FGF13: variants seen among roughly 807,000 people sequenced by gnomAD.
FGF13 encodes the protein fibroblast growth factor 13.
FGF13 carries 2 observed loss-of-function variants against 19.5 expected under a neutral mutation model. That is an observed-to-expected ratio of 0.10 (90% CI 0.04 to 0.32). FGF13 has a LOEUF of 0.32. Among genes scored for constraint, FGF13 ranks in the 10% least tolerant of loss-of-function variants. The pLI is 1.00. For missense variants in FGF13, 113 were observed against 192.7 expected, an observed-to-expected ratio of 0.59 and a Z score of 2.45; for synonymous variants, 72 against 76.9, an observed-to-expected ratio of 0.94 and a Z score of 0.33.
rs771545334 is a variant in FGF13 at position 138,619,634 on chromosome X, A to G, written c.*13216T>C. 9.0e-6 allele frequency: 1 copy of G among 111,581 alleles called. No individual in the cohort carries two copies. Among genetic ancestry groups the G allele is most frequent in the South Asian group, 3.8e-4 (1 of 2,663 alleles). 9.2% of individuals were successfully genotyped at this position (111,581 alleles called of 1,213,427 possible). A position where few individuals can be genotyped will look rare whatever the true frequency, so the allele number is the denominator to read the frequency against. On this transcript the variant is annotated 3_prime_UTR_variant, in exon 5 of 5. Coordinates refer to ENST00000315930, the MANE Select transcript of FGF13 (RefSeq NM_004114.5). ...TAAGCAAATATACAAGAAAAAAAAA[A>G]CCGCATCAAAAAGTGGGCAAAGGAC...
intron 1 of FGF13, among the ~76,000 whole-genome samples, chrX:139,081,163 C>G (rs2083368069): frequency 9.0e-6 from 1 of 110,898 alleles, no homozygotes; most frequent in African/African-American, 3.3e-5. Flanking sequence ...CCCCACTACA[C>G]TACTAAAAAT....
At chrX:138,812,787 G>A (rs1304468121) in intron 3 of FGF13, among the ~76,000 whole-genome samples, 3 of 111,203 alleles carry the variant, frequency 2.7e-5, no homozygotes, top group Non-Finnish European at 5.7e-5. Context: ...TTGTTACATA[G>A]GTATACGTGT....
intron 3 of FGF13, among the ~76,000 whole-genome samples, chrX:138,787,187 T>A (rs181365155): frequency 1.8e-5 from 2 of 112,673 alleles, no homozygotes; most frequent in Non-Finnish European, 3.7e-5. Flanking sequence ...TGAGGAACGA[T>A]TAATTGATAT....
At chrX:138,794,744 G>T (rs2124376753) in intron 3 of FGF13, among the ~76,000 whole-genome samples, 1 of 111,746 alleles carries the variant, frequency 8.9e-6, no homozygotes, top group East Asian at 2.8e-4. Context: ...GAGAGGTCAG[G>T]ATGCAGTGAG....
chrX:138,732,316 G>A (rs2090238254), intron 1 of FGF13, among the ~76,000 whole-genome samples: 1 of 112,130 alleles, frequency 8.9e-6, no homozygotes, highest in African/African-American at 3.2e-5. Flanking sequence ...ACTCATTTAA[G>A]CTAAAAGCTA....
At chrX:139,120,441 A>G (rs1181691002) in intron 1 of FGF13, among the ~76,000 whole-genome samples, 1 of 111,596 alleles carries the variant, frequency 9.0e-6, no homozygotes, top group African/African-American at 3.3e-5. Context: ...AGCTGAGGAA[A>G]CTGAGGCTCA....
chrX:138,959,438 T>C (rs758242806), intron 1 of FGF13, among the ~76,000 whole-genome samples: 32 of 111,914 alleles, frequency 2.9e-4, no homozygotes, highest in Non-Finnish European at 5.1e-4. Flanking sequence ...GCTTTACTTC[T>C]AACTATGTGG....
chrX:138,787,713 C>T (rs1046102138), intron 3 of FGF13, among the ~76,000 whole-genome samples: 3 of 109,705 alleles, frequency 2.7e-5, no homozygotes, highest in African/African-American at 1.0e-4. Context: ...TCCCTTTGCC[C>T]CCCACCCCCC....
intron 3 of FGF13, among the ~76,000 whole-genome samples, chrX:138,753,924 T>C (rs1335033080): frequency 8.9e-6 from 1 of 112,167 alleles, no homozygotes; most frequent in Non-Finnish European, 1.9e-5. Context: ...TAACAGGTTG[T>C]TCTTCATTAT....
In FGF13 at chrX:138,817,560, T is replaced by C. The variant is rs188616726; in HGVS notation, c.217+39952A>G. ...ATGTATGCTCTCCTTTTTAAGAAAA[T>C]GTCAGTGGTGTGTCATGAATGCTAT... On this transcript the variant is annotated intron_variant, in intron 3 of 6. Coordinates refer to the FGF13 transcript ENST00000436198. Among the ~76,000 whole-genome samples, 253 of 111,767 alleles carry C rather than the reference T, an allele frequency of 2.3e-3. 1 individual carries two copies. Among genetic ancestry groups the C allele is most frequent in the African/African-American group, 7.5e-3 (232 of 30,780 alleles).
intron 3 of FGF13, among the ~76,000 whole-genome samples, chrX:138,757,448 A>T (rs1265533484): frequency 9.0e-6 from 1 of 111,402 alleles, no homozygotes; most frequent in African/African-American, 3.3e-5. Flanking sequence ...AGAAACTCTA[A>T]AAACAACTAT....
downstream of FGF13, among the ~76,000 whole-genome samples, chrX:138,854,714 T>G (rs2091246643): frequency 8.9e-6 from 1 of 112,385 alleles, no homozygotes; most frequent in Admixed American, 9.5e-5. Flanking sequence ...TTAAAAATTT[T>G]TTTTTAATTT....
At chrX:139,142,546 A>G (rs2083853433) in intron 1 of FGF13, among the ~76,000 whole-genome samples, 1 of 111,333 alleles carries the variant, frequency 9.0e-6, no homozygotes, top group African/African-American at 3.3e-5. Context: ...GTGGTTTTCA[A>G]TTTCTGGGTA....
At chrX:138,703,955 C>T (rs1174152773) in intron 2 of FGF13, among the ~76,000 whole-genome samples, 1 of 111,496 alleles carries the variant, frequency 9.0e-6, no homozygotes, top group Admixed American at 9.5e-5. Context: ...CTCAGGTGAT[C>T]TGCCTGCCTC....
At chrX:139,080,215 T>C (rs987772290) in intron 1 of FGF13, among the ~76,000 whole-genome samples, 3 of 111,576 alleles carry the variant, frequency 2.7e-5, no homozygotes, top group African/African-American at 9.8e-5. Flanking sequence ...AAAAATACTC[T>C]AACCAAGATC....
At chrX:139,184,761 A>G (rs1268401171) in intron 1 of FGF13, among the ~76,000 whole-genome samples, 2 of 112,411 alleles carry the variant, frequency 1.8e-5, no homozygotes. Flanking sequence ...TATTCAATAA[A>G]TATTTGTTGA....
At chrX:138,959,404 G>GTTCT (rs1422604759) in intron 1 of FGF13, among the ~76,000 whole-genome samples, 4 of 111,674 alleles carry the variant, frequency 3.6e-5, no homozygotes, top group African/African-American at 1.3e-4. Flanking sequence ...TATTATTTGT[G>GTTCT]TTCTTTTACA....
At chrX:139,161,080 A>G (rs1758333732) in intron 1 of FGF13, among the ~76,000 whole-genome samples, 1 of 112,198 alleles carries the variant, frequency 8.9e-6, no homozygotes, top group Non-Finnish European at 1.9e-5. Flanking sequence ...TGATGAACAT[A>G]GATGCAAAAA....
At chrX:138,806,197 C>T (rs2090865758) in intron 3 of FGF13, among the ~76,000 whole-genome samples, 1 of 111,797 alleles carries the variant, frequency 8.9e-6, no homozygotes, top group South Asian at 3.7e-4. Context: ...ATATAACTTA[C>T]CTAATCATAA....
Sources: allele counts gnomAD v4.1 joint callset (sites outside exome capture counted in the v4.1 genomes callset), GRCh38; gene constraint gnomAD v4.1.1; transcripts MANE v1.5; gene names NCBI Gene and HGNC (gene_info 2026-07-23, HGNC 2026-07-21).